DOP1B: variants seen among roughly 807,000 people sequenced by gnomAD.
The protein encoded by DOP1B is protein DOP1B.
A neutral mutation model predicts 233.5 loss-of-function variants in DOP1B; 174 were observed. The ratio of observed to expected loss-of-function variants is 0.75; its 90% CI spans 0.66 to 0.85. The LOEUF (loss-of-function observed/expected upper bound fraction) is 0.85, where lower values mean the gene tolerates loss of function less well. DOP1B is among the 40% of genes least tolerant of loss of function. DOP1B has a pLI of 0.00. For missense variants in DOP1B, 2,652 were observed against 2,846.6 expected (o/e 0.93, Z 1.56); for synonymous variants, 1,190 against 1,185.6 (o/e 1.00, Z -0.08).
intron 23 of DOP1B, among the ~76,000 whole-genome samples, chr21:36,256,990 G>A (rs906024933): frequency 2.6e-5 from 4 of 152,178 alleles, no homozygotes; most frequent in African/African-American, 9.7e-5. Flanking sequence ...CTTCACTTCA[G>A]ACACCAGTCA....
intron 6 of DOP1B, 55 bp downstream of exon 6, chr21:36,211,706 A>G: frequency 1.3e-6 from 2 of 1,560,520 alleles, no homozygotes; most frequent in Non-Finnish European, 8.8e-7. Context: ...GGGGTGGGAT[A>G]TAGATCTCAA....
chr21:36,172,099 G>C (rs2065976148), intron 2 of DOP1B, among the ~76,000 whole-genome samples: 1 of 152,166 alleles, frequency 6.6e-6, no homozygotes, highest in Non-Finnish European at 1.5e-5. Context: ...GCATGGGCCT[G>C]TGTCCAAGGC....
chr21:36,245,865 C>T lies in DOP1B; in HGVS notation c.3885C>T (p.Tyr1295=), dbSNP rs751121322. Residue 1295 remains tyrosine, a synonymous_variant, in exon 19 of 37, where the codon TAC becomes TAT. Coordinates refer to ENST00000691173, the MANE Select transcript of DOP1B (RefSeq NM_001320714.2). The surrounding 1 kb of genome is among the most constrained non-coding windows in gnomAD (Gnocchi z 5.5). ...AGGCCCTCATTGGCCAGAGTTTCTA[C>T]GGAAAGCTCCAGACCCAGGTCCCCA... ...HQEALIGQSF[Y]GKLQTQVPNV... is the part of the protein sequence containing the mutation. The T allele has an allele frequency of 3.8e-5, 61 of 1,613,742 alleles. 1 individual carries two copies. The Middle Eastern group carries it at 4.9e-4, about 13-fold the overall frequency.
At chr21:36,289,327 C>T (rs981578477) in intron 35 of DOP1B, 121 bp downstream of exon 35, 7 of 990,298 alleles carry the variant, frequency 7.1e-6, no homozygotes, top group Admixed American at 2.8e-5. Context: ...TTTCTAGTGA[C>T]AGCTAAGCCA....
At chr21:36,192,608 T>A (rs761403645) in intron 2 of DOP1B, among the ~76,000 whole-genome samples, 2 of 151,950 alleles carry the variant, frequency 1.3e-5, no homozygotes, top group Non-Finnish European at 2.9e-5. Context: ...GGTCTCCAAT[T>A]CCTAGGCTCA....
chr21:36,270,402 A>C (rs2067274124), intron 27 of DOP1B, among the ~76,000 whole-genome samples: 1 of 151,548 alleles, frequency 6.6e-6, no homozygotes, highest in Non-Finnish European at 1.5e-5. Context: ...AAAGTAAAAA[A>C]ATCAGCTGGG....
chr21:36,219,585 G>T (rs1415117936), intron 10 of DOP1B, 93 bp downstream of exon 10: 2 of 1,535,344 alleles, frequency 1.3e-6, no homozygotes, highest in Non-Finnish European at 1.8e-6. Flanking sequence ...ATTGTGAAGT[G>T]GTAGAGAAAG....
At chr21:36,189,076 C>A (rs1467768431) in intron 2 of DOP1B, among the ~76,000 whole-genome samples, 2 of 152,178 alleles carry the variant, frequency 1.3e-5, no homozygotes, top group African/African-American at 4.8e-5. Context: ...GTTCCCTACA[C>A]AGAATGCTTC....
chr21:36,274,666 CAA>C (rs2067330016), intron 27 of DOP1B, among the ~76,000 whole-genome samples: 1 of 151,828 alleles, frequency 6.6e-6, no homozygotes, highest in Non-Finnish European at 1.5e-5. Flanking sequence ...CAGGAGCTGA[CAA>C]TGTAGAATTC....
rs1338315327 is a variant in DOP1B at position 36,219,413 on chromosome 21, G to T, written c.1171G>T (p.Ala391Ser). 1.9e-6 allele frequency: 3 copies of T among 1,614,118 alleles called. No individual in the cohort carries two copies. The highest frequency in any genetic ancestry group is 4.5e-5 in the East Asian group (2 of 44,878). ...GAATTTGTTTCTCGAAGTCATCAGG[G>T]CCTTTTATTCTTACTGCAGAGATGC... ...VGNLFLEVIR[A>S]FYSYCRDALG... The change falls in exon 10 of 37, where the codon GCC (alanine) becomes TCC (serine). Residue 391 changes from alanine to serine, a missense_variant. Around this residue, in one of 3 missense-constraint regions of DOP1B, gnomAD observed 2,617 missense variants for 2,794.3 expected, o/e 0.94. Transcript: ENST00000691173.
At chr21:36,268,221 C>A (rs2067251968) in intron 26 of DOP1B, among the ~76,000 whole-genome samples, 1 of 152,116 alleles carries the variant, frequency 6.6e-6, no homozygotes, top group Admixed American at 6.6e-5. Context: ...TGTTTATAGA[C>A]CTCACCCCAG....
chr21:36,239,720 CAG>C (rs1430023126), intron 17 of DOP1B, 43 bp from the exon 18 acceptor site: 2 of 1,488,854 alleles, frequency 1.3e-6, no homozygotes, highest in South Asian at 1.3e-5. Flanking sequence ...GCCTGGCGCA[CAG>C]GGGTGGCTGC....
chr21:36,195,788 TAACA>T (rs1465161388), intron 2 of DOP1B, among the ~76,000 whole-genome samples: 2 of 152,234 alleles, frequency 1.3e-5, no homozygotes, highest in African/African-American at 4.8e-5. Flanking sequence ...TTATGCACAG[TAACA>T]AACAATCCTC....
intron 3 of DOP1B, 127 bp from the exon 4 acceptor site, chr21:36,200,204 A>G (rs1225607268): frequency 8.1e-7 from 1 of 1,240,082 alleles, no homozygotes; most frequent in Non-Finnish European, 1.1e-6. Flanking sequence ...TCATACCCAC[A>G]CATCGAAACC....
chr21:36,220,403 C>A (rs1454019279), intron 10 of DOP1B, among the ~76,000 whole-genome samples: 1 of 152,190 alleles, frequency 6.6e-6, no homozygotes, highest in Non-Finnish European at 1.5e-5. Flanking sequence ...TTACTTCTTT[C>A]TAGATTTCTA....
rs2067371994 is a variant in DOP1B, at chr21:36,278,010, T to C, written c.5748T>C (p.Ser1916=). The C allele has an allele frequency of 6.2e-7, 1 of 1,614,050 alleles. No individual in the cohort carries two copies. The highest frequency in any genetic ancestry group is 1.1e-5 in the South Asian group (1 of 91,084). Residue 1916 remains serine, a synonymous_variant, in exon 29 of 37, where the codon AGT becomes AGC. Transcript: ENST00000691173. ...CCCTCCTGGACATGGTTTATCGAAG[T>C]GATGAGAAGGAGAAAGCTGTGCCGT... The part of the protein sequence containing the change: ...LASLLDMVYR[S]DEKEKAVPLI...
chr21:36,198,840 C>T (rs147552904), intron 2 of DOP1B, among the ~76,000 whole-genome samples: 12 of 152,262 alleles, frequency 7.9e-5, no homozygotes, highest in African/African-American at 1.7e-4. Context: ...GAGGTGTGAC[C>T]GAGAAGCTGG....
At chr21:36,219,298 G>GTATATACATAAGACA in intron 9 of DOP1B, 74 bp from the exon 10 acceptor site, 2 of 1,559,374 alleles carry the variant, frequency 1.3e-6, no homozygotes, top group Non-Finnish European at 1.8e-6. Context: ...TATGTCTTAT[G>GTATATACATAAGACA]TATATACATA....
At chr21:36,272,649 CAAA>C (rs1048479594) in intron 27 of DOP1B, among the ~76,000 whole-genome samples, 4 of 58,696 alleles carry the variant, frequency 6.8e-5, no homozygotes, top group African/African-American at 6.7e-5. Context: ...AACTCCATCT[CAAA>C]AAAAAAAAAA....
Sources: gnomAD v4.1 joint callset for allele counts (sites outside exome capture counted in the v4.1 genomes callset) on GRCh38, gnomAD v4.1.1 for gene constraint, gnomAD v4.1.1 regional missense constraint, Gnocchi (gnomAD v3.1) non-coding constraint, MANE v1.5 for transcripts, NCBI Gene and HGNC (gene_info 2026-07-23, HGNC 2026-07-21) for gene names.